The following JAKMIP1 variants were observed in gnomAD, a reference collection of about 807,000 sequenced individuals.
JAKMIP1 encodes the protein janus kinase and microtubule-interacting protein 1.
JAKMIP1 carries 33 observed loss-of-function variants against 113.0 expected under a neutral mutation model. That is an observed-to-expected ratio of 0.29 (90% CI 0.22 to 0.39). The LOEUF is 0.39. Among genes scored for constraint, JAKMIP1 ranks in the 10% least tolerant of loss-of-function variants. The probability of loss-of-function intolerance (pLI) is 1.00; values close to 1 mark genes in which losing one functional copy is unlikely to be tolerated. For missense variants in JAKMIP1, 813 were observed against 1,080.5 expected (o/e 0.75, Z 3.47); for synonymous variants, 480 against 459.9 (o/e 1.04, Z -0.56).
In JAKMIP1 at chr4:6,088,259, T is replaced by A. The variant is rs1308894196; in HGVS notation, c.625-2630A>T. On this transcript the variant is annotated intron_variant, in intron 3 of 20. Transcript: ENST00000409021. This position sits in a 1 kb window ranked among gnomAD's most constrained non-coding sequence, Gnocchi z 5.5. ...GACATTGTAGTGATTGAGAGTGATT[T>A]GTGCTATGAGGGGGAAAAAAAACAA... Among the ~76,000 whole-genome samples the A allele has an allele frequency of 2.0e-5, 3 of 152,126 alleles. No homozygotes were observed. Among genetic ancestry groups the A allele is most frequent in the African/African-American group, 7.2e-5 (3 of 41,414 alleles).
Position 6,050,750 on chromosome 4 carries a change from C to T in JAKMIP1, c.1807-71G>A. On this transcript the variant is annotated intron_variant, in intron 13 of 20. Coordinates refer to ENST00000409021, the MANE Select transcript of JAKMIP1 (RefSeq NM_001099433.2). This position sits in a 1 kb window ranked among gnomAD's most constrained non-coding sequence, Gnocchi z 7.4. ...TACCACTTGCCATTTTCCCACGTTA[C>T]TCAGCAAAAACCAAGGAATTCCAGT... is the stretch of plus-strand genomic sequence containing the variant. 1 of 1,289,482 alleles carries T rather than the reference C, an allele frequency of 7.8e-7. No homozygotes were observed. The highest frequency in any genetic ancestry group is 1.1e-6 in the Non-Finnish European group (1 of 913,304). 79.9% of individuals were successfully genotyped at this position (1,289,482 alleles called of 1,614,324 possible).
At chr4:6,175,730 T>A (rs907174697) in intron 1 of JAKMIP1, among the ~76,000 whole-genome samples, 5 of 152,238 alleles carry the variant, frequency 3.3e-5, no homozygotes, top group African/African-American at 1.2e-4. Flanking sequence ...TGCCTGCCAA[T>A]CCGTGGCTCT....
chr4:6,112,876 G>T lies in JAKMIP1; in HGVS notation c.-26C>A. Reference sequence around the variant, plus strand: ...GCTTCCCCTTGGGTCAGAGTGCTGAGATCCTGCGGTCCACACCTGTTCACG... The same window carrying T: ...GCTTCCCCTTGGGTCAGAGTGCTGATATCCTGCGGTCCACACCTGTTCACG... On this transcript the variant is annotated 5_prime_UTR_variant, in exon 2 of 21. Coordinates refer to ENST00000409021, the MANE Select transcript of JAKMIP1 (RefSeq NM_001099433.2). 6.2e-7 allele frequency: 1 copy of T among 1,611,340 alleles called. No individual in the cohort carries two copies.
Position 6,162,996 on chromosome 4 carries a change from G to T in JAKMIP1, c.-148+37257C>A, listed in dbSNP as rs188044243. ...GATGCTGGGAACATCTGGTTCTGTT[G>T]TCTGCTAATCAAATCCAGCTTCAGG... On this transcript the variant is annotated intron_variant, in intron 1 of 20. Coordinates refer to ENST00000409021, the MANE Select transcript of JAKMIP1 (RefSeq NM_001099433.2). This position sits in a 1 kb window ranked among gnomAD's most constrained non-coding sequence, Gnocchi z 5.6. Among the ~76,000 whole-genome samples, 3 of 152,318 alleles carry T rather than the reference G, an allele frequency of 2.0e-5. No homozygotes were observed. Among genetic ancestry groups the T allele is most frequent in the Admixed American group, 6.5e-5 (1 of 15,294 alleles).
chr4:6,046,359 C>A (rs1332859223), intron 16 of JAKMIP1, among the ~76,000 whole-genome samples: 1 of 152,262 alleles, frequency 6.6e-6, no homozygotes, highest in Non-Finnish European at 1.5e-5. Flanking sequence ...GCCAGTGTCT[C>A]CTAGAACCCA....
rs1334636963 is a variant in JAKMIP1, at chr4:6,135,333, A to G, written c.-147-22336T>C. On this transcript the variant is annotated intron_variant, in intron 1 of 20. Transcript: ENST00000409021. The surrounding 1 kb of genome is among the most constrained non-coding windows in gnomAD (Gnocchi z 4.9). ...GACACAGACACATAGAAGGAAGACCATGTGAGGACATGGGGAGAAGACGGC... is the reference window on the plus strand; with the variant it reads ...GACACAGACACATAGAAGGAAGACCGTGTGAGGACATGGGGAGAAGACGGC... 6.6e-6 allele frequency among the ~76,000 whole-genome samples: 1 copy of G among 152,182 alleles called. No homozygotes were observed. The highest frequency in any genetic ancestry group is 1.9e-4 in the East Asian group (1 of 5,188).
At position 6,029,807 on chromosome 4, in the gene JAKMIP1, G is replaced by GA. The variant is rs749693118; in HGVS notation, c.2380-27dup. 20 of 1,526,480 alleles carry GA rather than the reference G, an allele frequency of 1.3e-5. No homozygotes were observed. The East Asian group carries it at 4.3e-4, about 33-fold the overall frequency. The allele number at this position is 1,526,480 out of a possible 1,614,324, so 94.6% of individuals were successfully genotyped here. ...CTGAAATACACCAGGTTACGTGTCA[G>GA]AAAAAGTAAGTTTTCCAGGTTTAAA... On this transcript the variant is annotated intron_variant, in intron 19 of 20. Transcript: ENST00000409021.
At chr4:6,132,469 C>G (rs770083953) in intron 1 of JAKMIP1, among the ~76,000 whole-genome samples, 1 of 151,850 alleles carries the variant, frequency 6.6e-6, no homozygotes, top group Non-Finnish European at 1.5e-5. Flanking sequence ...TGGTGAAACC[C>G]CGTCTCTACT....
In JAKMIP1 at chr4:6,044,897, C is replaced by T. The variant is rs886897778; in HGVS notation, c.2029-2670G>A. Among the ~76,000 whole-genome samples the T allele has an allele frequency of 6.6e-6, 1 of 152,212 alleles. No homozygotes were observed. The highest frequency in any genetic ancestry group is 2.4e-5 in the African/African-American group (1 of 41,458). On this transcript the variant is annotated intron_variant, in intron 16 of 20. Transcript: ENST00000409021. The surrounding 1 kb of genome is among the most constrained non-coding windows in gnomAD (Gnocchi z 4.4). ...GCTCAGTCACTCCTGGGAGAAACAG[C>T]GTTCATGGTTCTGCTCCAACCCCAG...
rs1722299090 is a variant in JAKMIP1 at position 6,093,037 on chromosome 4, G to C, written c.625-7408C>G. 6.6e-6 allele frequency among the ~76,000 whole-genome samples: 1 copy of C among 152,128 alleles called. No individual in the cohort carries two copies. Among genetic ancestry groups the C allele is most frequent in the African/African-American group, 2.4e-5 (1 of 41,416 alleles). ...ATCACATATCATCATGGCTATTTTA[G>C]AGATATGGTTAAAATGATCACATCA... On this transcript the variant is annotated intron_variant, in intron 3 of 20. Coordinates refer to ENST00000409021, the MANE Select transcript of JAKMIP1 (RefSeq NM_001099433.2). The surrounding 1 kb of genome is among the most constrained non-coding windows in gnomAD (Gnocchi z 4.6).
chr4:6,046,647 A>C (rs961529527), intron 16 of JAKMIP1, among the ~76,000 whole-genome samples: 2 of 152,158 alleles, frequency 1.3e-5, no homozygotes, highest in African/African-American at 4.8e-5. Context: ...GAGCATGGTG[A>C]GGGTCAAGGC....
rs1309813629 is a variant in JAKMIP1 at position 6,065,590 on chromosome 4, C to A, written c.1303-582G>T. ...ATGTGTGGCCCAAGTCCTGGCCAGA[C>A]CCACACTTAGAGGCAATCTCTGCTT... On this transcript the variant is annotated intron_variant, in intron 8 of 20. Transcript: ENST00000409021. The surrounding 1 kb of genome is among the most constrained non-coding windows in gnomAD (Gnocchi z 5.1). Among the ~76,000 whole-genome samples the A allele has an allele frequency of 1.3e-5, 2 of 152,168 alleles. No homozygotes were observed. The highest frequency in any genetic ancestry group is 4.8e-5 in the African/African-American group (2 of 41,428).
At chr4:6,114,583 G>A (rs1365661141) in intron 1 of JAKMIP1, among the ~76,000 whole-genome samples, 1 of 152,218 alleles carries the variant, frequency 6.6e-6, no homozygotes, top group Non-Finnish European at 1.5e-5. Flanking sequence ...TACAAAATCT[G>A]GGAGGCAGTG....
Position 6,185,443 on chromosome 4 carries a change from C to G in JAKMIP1, c.-148+14810G>C, listed in dbSNP as rs1166666566. ...TGGGCGGATCATGAGGTCAGGAGAT[C>G]GAGACCATCCTGGCTAACACAGTGA... On this transcript the variant is annotated intron_variant, in intron 1 of 20. Transcript: ENST00000409021. This position sits in a 1 kb window ranked among gnomAD's most constrained non-coding sequence, Gnocchi z 5.3. Among the ~76,000 whole-genome samples the G allele has an allele frequency of 6.6e-6, 1 of 151,966 alleles. No individual in the cohort carries two copies. The highest frequency in any genetic ancestry group is 1.5e-5 in the Non-Finnish European group (1 of 68,002).
In JAKMIP1 at chr4:6,186,852, GTC is replaced by G. The variant is rs914117301; in HGVS notation, c.-148+13399_-148+13400del. 2.0e-4 allele frequency among the ~76,000 whole-genome samples: 30 copies of G among 152,104 alleles called. No homozygotes were observed. Among genetic ancestry groups the G allele is most frequent in the Non-Finnish European group, 1.5e-5 (1 of 68,032 alleles). ...GTTTTTTGTTTGTTTGTTTGAGACA[GTC>G]TCTCACTCTGTCACCCAAGCTGGAG... On this transcript the variant is annotated intron_variant, in intron 1 of 20. Transcript: ENST00000409021. This position sits in a 1 kb window ranked among gnomAD's most constrained non-coding sequence, Gnocchi z 5.5.
Position 6,138,045 on chromosome 4 carries a change from G to A in JAKMIP1, c.-147-25048C>T, listed in dbSNP as rs1199434234. Among the ~76,000 whole-genome samples the A allele has an allele frequency of 6.6e-6, 1 of 152,134 alleles. No individual in the cohort carries two copies. The highest frequency in any genetic ancestry group is 1.5e-5 in the Non-Finnish European group (1 of 68,016). On this transcript the variant is annotated intron_variant, in intron 1 of 20. Transcript: ENST00000409021. This position sits in a 1 kb window ranked among gnomAD's most constrained non-coding sequence, Gnocchi z 6.0. Reference sequence around the variant, plus strand: ...TGGCAGAGGTGGCAGCTCCCGAGAGGCCAGCTCTGGGGTGACACTCTGGGG... The same window carrying A: ...TGGCAGAGGTGGCAGCTCCCGAGAGACCAGCTCTGGGGTGACACTCTGGGG...
chr4:6,190,482 G>A (rs887748614), intron 1 of JAKMIP1, among the ~76,000 whole-genome samples: 7 of 152,100 alleles, frequency 4.6e-5, no homozygotes, highest in Admixed American at 3.3e-4. Context: ...GCCAGAGGTA[G>A]GCTGAACCCG....
In JAKMIP1 at chr4:6,085,064, T is replaced by C. The variant is rs563796364; in HGVS notation, c.835-99A>G. 423 of 1,378,320 alleles carry C rather than the reference T, an allele frequency of 3.1e-4. 1 individual carries two copies. The East Asian group carries it at 7.1e-3, about 23-fold the overall frequency. The allele number at this position is 1,378,320 out of a possible 1,614,324, so 85.4% of individuals were successfully genotyped here. A position where few individuals can be genotyped will look rare whatever the true frequency, so the allele number is the denominator to read the frequency against. On this transcript the variant is annotated intron_variant, in intron 4 of 20. Coordinates refer to ENST00000409021, the MANE Select transcript of JAKMIP1 (RefSeq NM_001099433.2). ...TAGAAAATTCACATGACATAATGGG[T>C]GAGATCCTTATTCAGGGGCCCACAT...
At chr4:6,058,573 T>C (rs1395490663) in intron 11 of JAKMIP1, among the ~76,000 whole-genome samples, 1 of 152,236 alleles carries the variant, frequency 6.6e-6, no homozygotes, top group Non-Finnish European at 1.5e-5. Context: ...TTTTAAGTTA[T>C]TAGTCAATTG....
Sources: gnomAD v4.1 joint callset for allele counts (sites outside exome capture counted in the v4.1 genomes callset) on GRCh38, gnomAD v4.1.1 for gene constraint, Gnocchi (gnomAD v3.1) non-coding constraint, MANE v1.5 for transcripts, NCBI Gene and HGNC (gene_info 2026-07-23, HGNC 2026-07-21) for gene names.